ARHGAP26: variants seen among roughly 807,000 people sequenced by gnomAD.
ARHGAP26 encodes rho GTPase-activating protein 26.
ARHGAP26 carries 38 observed loss-of-function variants against 104.8 expected under a neutral mutation model. That is an observed-to-expected ratio of 0.36 (90% CI 0.28 to 0.48). The LOEUF is 0.48. Ranked by LOEUF, ARHGAP26 falls within the 20% of genes least tolerant of loss-of-function variation. ARHGAP26 has a pLI of 0.99. For synonymous variants in ARHGAP26, 341 were observed against 340.0 expected, an observed-to-expected ratio of 1.00 and a Z score of -0.03; for missense variants, 704 against 947.9, an observed-to-expected ratio of 0.74 and a Z score of 3.38.
intron 17 of ARHGAP26, among the ~76,000 whole-genome samples, chr5:143,094,958 G>C (rs1792091964): frequency 6.6e-6 from 1 of 152,076 alleles, no homozygotes; most frequent in African/African-American, 2.4e-5. Flanking sequence ...GCAAAGAATT[G>C]AACATACTGA....
chr5:143,033,303 G>A (rs1176916846), intron 12 of ARHGAP26, among the ~76,000 whole-genome samples: 3 of 152,198 alleles, frequency 2.0e-5, no homozygotes, highest in East Asian at 1.9e-4. Flanking sequence ...AACCAAAGGA[G>A]GAACATTTAC....
intron 18 of ARHGAP26, among the ~76,000 whole-genome samples, chr5:143,130,867 C>A (rs1045188515): frequency 1.3e-5 from 2 of 152,202 alleles, no homozygotes; most frequent in Non-Finnish European, 2.9e-5. Context: ...TGCAAAAGCA[C>A]CCTGTACCTT....
At chr5:142,804,109 C>G (rs1762544002) in intron 1 of ARHGAP26, among the ~76,000 whole-genome samples, 1 of 152,176 alleles carries the variant, frequency 6.6e-6, no homozygotes, top group African/African-American at 2.4e-5. Flanking sequence ...CCTAAAAGTT[C>G]CTGTTCTGTC....
chr5:143,066,454 A>G (rs974965833), intron 17 of ARHGAP26, among the ~76,000 whole-genome samples: 4 of 152,172 alleles, frequency 2.6e-5, no homozygotes, highest in South Asian at 2.1e-4. Context: ...TGCAGATTAA[A>G]TTAATCTACA....
At chr5:142,926,043 A>T (rs1170583301) in intron 10 of ARHGAP26, among the ~76,000 whole-genome samples, 1 of 152,194 alleles carries the variant, frequency 6.6e-6, no homozygotes, top group South Asian at 2.1e-4. Flanking sequence ...AGATTAGCGT[A>T]GGAAAGCTGT....
intron 19 of ARHGAP26, among the ~76,000 whole-genome samples, chr5:143,140,830 A>G (rs1321949789): frequency 1.3e-5 from 2 of 152,206 alleles, no homozygotes; most frequent in East Asian, 3.9e-4. Flanking sequence ...GCTCTGAATA[A>G]TTTTTTTAGT....
intron 12 of ARHGAP26, among the ~76,000 whole-genome samples, chr5:143,024,687 CCCTATGA>C (rs1780788255): frequency 6.6e-6 from 1 of 152,128 alleles, no homozygotes; most frequent in Admixed American, 6.6e-5. Flanking sequence ...CTCCTAAGAA[CCCTATGA>C]GCTAGATACT....
At chr5:143,125,174 A>G (rs1436576241) in intron 18 of ARHGAP26, among the ~76,000 whole-genome samples, 1 of 152,190 alleles carries the variant, frequency 6.6e-6, no homozygotes, top group Non-Finnish European at 1.5e-5. Context: ...CTTTTTCAAT[A>G]GAAGGTAAGA....
intron 14 of ARHGAP26, among the ~76,000 whole-genome samples, chr5:143,046,130 A>G (rs575688937): frequency 6.6e-6 from 1 of 151,608 alleles, no homozygotes; most frequent in South Asian, 2.1e-4. Context: ...ACGAAACTCC[A>G]TCCCCAAAAA....
At chr5:142,927,229 C>T (rs1764039650) in intron 10 of ARHGAP26, among the ~76,000 whole-genome samples, 1 of 151,678 alleles carries the variant, frequency 6.6e-6, no homozygotes, top group Non-Finnish European at 1.5e-5. Context: ...ACTTGTTATA[C>T]ACACACAACT....
intron 17 of ARHGAP26, among the ~76,000 whole-genome samples, chr5:143,106,541 C>G (rs1794047070): frequency 7.7e-6 from 1 of 130,342 alleles, no homozygotes; most frequent in African/African-American, 2.9e-5. Flanking sequence ...GGTGCAACGT[C>G]AGCTCATGGC....
intron 11 of ARHGAP26, among the ~76,000 whole-genome samples, chr5:142,945,141 G>A (rs980978204): frequency 6.6e-6 from 1 of 152,112 alleles, no homozygotes; most frequent in African/African-American, 2.4e-5. Flanking sequence ...TAACTCCCGA[G>A]TAGAAAGTAC....
intron 11 of ARHGAP26, among the ~76,000 whole-genome samples, chr5:142,964,818 G>A (rs920580195): frequency 6.6e-5 from 10 of 152,136 alleles, no homozygotes; most frequent in African/African-American, 1.7e-4. Flanking sequence ...TGTGTGCGGC[G>A]ACGAGAGAGT....
chr5:142,841,915 T>C (rs1223268904), intron 1 of ARHGAP26, among the ~76,000 whole-genome samples: 2 of 152,220 alleles, frequency 1.3e-5, no homozygotes, highest in African/African-American at 4.8e-5. Context: ...CCCACCTCTC[T>C]TGTGAGCTCT....
At chr5:143,212,712 A>C (rs1163351833) in intron 21 of ARHGAP26, among the ~76,000 whole-genome samples, 3 of 152,238 alleles carry the variant, frequency 2.0e-5, no homozygotes, top group South Asian at 4.1e-4. Context: ...ATCACTCTGC[A>C]CGATGGAGAC....
At position 143,054,574 on chromosome 5, in the gene ARHGAP26, A is replaced by C. The variant is rs759544401; in HGVS notation, c.1373+48A>C. The stretch of plus-strand genomic sequence containing the variant: ...GCAGAGTGCCAGCTAGTTATCATGC[A>C]ATCAGGAAGAAAGCAGTTTTATTTT... On this transcript the variant is annotated intron_variant, in intron 15 of 22. Coordinates refer to ENST00000645722, the MANE Select transcript of ARHGAP26 (RefSeq NM_001135608.3). 3.7e-5 allele frequency: 50 copies of C among 1,368,070 alleles called. No homozygotes were observed. The South Asian group carries it at 5.0e-4, about 14-fold the overall frequency. The allele number at this position is 1,368,070 out of a possible 1,614,324, so 84.7% of individuals were successfully genotyped here.
chr5:143,091,322 T>TG (rs1791411959), intron 17 of ARHGAP26, among the ~76,000 whole-genome samples: 1 of 152,222 alleles, frequency 6.6e-6, no homozygotes, highest in African/African-American at 2.4e-5. Flanking sequence ...AGGCTGGTGC[T>TG]ATTTACCAGA....
At chr5:143,100,459 G>C (rs1447494303) in intron 17 of ARHGAP26, among the ~76,000 whole-genome samples, 1 of 152,226 alleles carries the variant, frequency 6.6e-6, no homozygotes, top group African/African-American at 2.4e-5. Context: ...AAATGATGCA[G>C]ACTTTCTTCT....
chr5:142,951,454 A>T lies in ARHGAP26; in HGVS notation c.1107+19329A>T, dbSNP rs1428395075. ...GAGGAAGCACCAATATTTATTGCTT[A>T]TTTAGGCCCTGGTGCCTCTGTGTAT... On this transcript the variant is annotated intron_variant, in intron 11 of 22. Transcript: ENST00000645722. 2.0e-5 allele frequency among the ~76,000 whole-genome samples: 3 copies of T among 152,228 alleles called. No homozygotes were observed. In the East Asian group the frequency reaches 5.8e-4, roughly 29 times the overall value.
Sources: gnomAD v4.1 joint callset for allele counts (sites outside exome capture counted in the v4.1 genomes callset) on GRCh38, gnomAD v4.1.1 for gene constraint, MANE v1.5 for transcripts, NCBI Gene and HGNC (gene_info 2026-07-23, HGNC 2026-07-21) for gene names.